ALOX5: variants seen among roughly 807,000 people sequenced by gnomAD.
The protein encoded by ALOX5 is polyunsaturated fatty acid 5-lipoxygenase.
In ALOX5, 64 loss-of-function variants were observed where a neutral mutation model predicts 87.9. The observed-to-expected ratio is 0.73, with a 90% CI of 0.60 to 0.90. The LOEUF is 0.90. Ranked by LOEUF, ALOX5 falls within the 40% of genes least tolerant of loss-of-function variation. The pLI is 0.00. For missense variants in ALOX5, 822 were observed against 907.5 expected, an observed-to-expected ratio of 0.91 and a Z score of 1.21; for synonymous variants, 388 against 355.1, an observed-to-expected ratio of 1.09 and a Z score of -1.04.
chr10:45,414,324 ACAAG>A (rs1352721994), intron 4 of ALOX5, among the ~76,000 whole-genome samples: 1 of 152,258 alleles, frequency 6.6e-6, no homozygotes, highest in Non-Finnish European at 1.5e-5. Context: ...CCTGACAAAA[ACAAG>A]CAATGGGGAA....
At chr10:45,438,130 T>G (rs1351453099) in intron 7 of ALOX5, among the ~76,000 whole-genome samples, 1 of 6,760 alleles carries the variant, frequency 1.5e-4, no homozygotes, top group African/African-American at 2.8e-3. Context: ...TGACTTCCTC[T>G]TTTTTTTTTT....
intron 4 of ALOX5, among the ~76,000 whole-genome samples, chr10:45,415,581 TAAAA>T (rs60397346): frequency 5.1e-5 from 7 of 135,970 alleles, no homozygotes; most frequent in African/African-American, 1.7e-4. Flanking sequence ...AGTATAATAA[TAAAA>T]AAAAAGACAT....
At position 45,444,185 on chromosome 10, in the gene ALOX5, G is replaced by A. The variant is rs577934345; in HGVS notation, c.1744G>A (p.Val582Met). Reference sequence around the variant, plus strand: ...AGCCCCGCCACCGACTGCCAAGGGCGTGGTGACCATTGAGCAGATCGTGGA... The same window carrying A: ...AGCCCCGCCACCGACTGCCAAGGGCATGGTGACCATTGAGCAGATCGTGGA... ...MRAPPPTAKG[V>M]VTIEQIVDTL... The change falls in exon 13 of 14, where the codon GTG (valine) becomes ATG (methionine). Residue 582 changes from valine to methionine, a missense_variant. Coordinates refer to ENST00000374391, the MANE Select transcript of ALOX5 (RefSeq NM_000698.5). The A allele has an allele frequency of 3.9e-5, 60 of 1,557,180 alleles. No homozygotes were observed. The highest frequency in any genetic ancestry group is 3.8e-4 in the Admixed American group (20 of 51,966).
chr10:45,426,375 A>G (rs1012874177), intron 6 of ALOX5, among the ~76,000 whole-genome samples: 8 of 151,894 alleles, frequency 5.3e-5, no homozygotes, highest in African/African-American at 1.9e-4. Context: ...GAGCTGACCC[A>G]CCCCTCACTG....
intron 2 of ALOX5, among the ~76,000 whole-genome samples, chr10:45,392,241 CA>C (rs1840310021): frequency 6.6e-6 from 1 of 152,096 alleles, no homozygotes; most frequent in African/African-American, 2.4e-5. Context: ...GCCATGATGA[CA>C]ATGGTGGTTT....
At chr10:45,394,414 G>A (rs897507741) in intron 2 of ALOX5, among the ~76,000 whole-genome samples, 4 of 152,244 alleles carry the variant, frequency 2.6e-5, no homozygotes, top group African/African-American at 9.6e-5. Context: ...GTAGACAGCT[G>A]AAGCTGGATC....
chr10:45,421,201 T>A (rs545832109), intron 4 of ALOX5, among the ~76,000 whole-genome samples: 5 of 152,220 alleles, frequency 3.3e-5, no homozygotes, highest in Non-Finnish European at 5.9e-5. Context: ...CTAGATGACA[T>A]GTAAATATGT....
At chr10:45,445,427 G>A (rs1479271680) in intron 13 of ALOX5, 81 bp from the exon 14 acceptor site, 2 of 1,502,376 alleles carry the variant, frequency 1.3e-6, no homozygotes, top group Non-Finnish European at 1.8e-6. Flanking sequence ...AACGGTGGCT[G>A]GCCCCTTGGG....
chr10:45,428,662 C>G lies in ALOX5; in HGVS notation c.879C>G (p.Ile293Met). Residue 293 changes from isoleucine to methionine, a missense_variant, in exon 7 of 14, where the codon ATC (isoleucine) becomes ATG (methionine). By Grantham distance (10) the Ile-to-Met change is conservative. Transcript: ENST00000374391. ...FIVDFELLDG[I>M]DANKTDPCTL... ...TGGACTTTGAGCTGCTGGATGGCATCGATGCCAACAAAACAGACCCCTGCA... is the reference window on the plus strand; with the variant it reads ...TGGACTTTGAGCTGCTGGATGGCATGGATGCCAACAAAACAGACCCCTGCA... The G allele has an allele frequency of 6.2e-7, 1 of 1,614,110 alleles. No homozygotes were observed. Among genetic ancestry groups the G allele is most frequent in the Non-Finnish European group, 8.5e-7 (1 of 1,180,034 alleles).
At chr10:45,382,858 C>A (rs1839890835) in intron 2 of ALOX5, among the ~76,000 whole-genome samples, 177 bp downstream of exon 2, 1 of 152,248 alleles carries the variant, frequency 6.6e-6, no homozygotes, top group African/African-American at 2.4e-5. Flanking sequence ...GGGATTCTTA[C>A]AAGCCCCTGA....
chr10:45,440,362 G>A (rs976113188), intron 7 of ALOX5, 68 bp from the exon 8 acceptor site: 19 of 1,522,804 alleles, frequency 1.2e-5, no homozygotes, highest in East Asian at 2.3e-5. Flanking sequence ...CCCAAGAGGC[G>A]AAGTTCTCCA....
At chr10:45,380,771 G>A (rs1839797246) in intron 1 of ALOX5, among the ~76,000 whole-genome samples, 1 of 152,098 alleles carries the variant, frequency 6.6e-6, no homozygotes, top group African/African-American at 2.4e-5. Context: ...GTGAAACCCT[G>A]TCTCTACTGA....
intron 2 of ALOX5, among the ~76,000 whole-genome samples, chr10:45,392,068 C>T (rs1219426544): frequency 2.0e-5 from 3 of 151,372 alleles, no homozygotes; most frequent in South Asian, 2.1e-4. Flanking sequence ...CCAGCCGCCC[C>T]GTCCGAGAGG....
chr10:45,406,705 T>C (rs1013305869), intron 3 of ALOX5, among the ~76,000 whole-genome samples: 2 of 152,372 alleles, frequency 1.3e-5, no homozygotes, highest in Non-Finnish European at 2.9e-5. Flanking sequence ...TACTGTGTGT[T>C]GGTCCCTTAC....
intron 6 of ALOX5, among the ~76,000 whole-genome samples, chr10:45,428,120 T>G: frequency 1.2e-5 from 1 of 84,228 alleles, no homozygotes; most frequent in South Asian, 5.0e-4. Context: ...CAGAATCCCC[T>G]CCCCCTTCCC....
intron 7 of ALOX5, among the ~76,000 whole-genome samples, chr10:45,429,514 C>T (rs560992440): frequency 1.3e-5 from 2 of 152,198 alleles, no homozygotes; most frequent in Non-Finnish European, 2.9e-5. Flanking sequence ...CTGCACAGTC[C>T]GCAATCCCTT....
intron 7 of ALOX5, among the ~76,000 whole-genome samples, chr10:45,439,409 C>T (rs1842154787): frequency 6.6e-6 from 1 of 152,252 alleles, no homozygotes; most frequent in Admixed American, 6.5e-5. Flanking sequence ...GGCCATGCCC[C>T]TTCCTGGCCG....
At chr10:45,398,813 A>G (rs931831333) in intron 3 of ALOX5, among the ~76,000 whole-genome samples, 1 of 152,192 alleles carries the variant, frequency 6.6e-6, no homozygotes, top group Admixed American at 6.5e-5. Context: ...CGACAAGAAC[A>G]AGTGTTGACA....
At chr10:45,409,509 G>C (rs373555056) in intron 3 of ALOX5, among the ~76,000 whole-genome samples, 29 of 129,882 alleles carry the variant, frequency 2.2e-4, no homozygotes, top group Admixed American at 6.7e-4. Flanking sequence ...CTGTCTGTCT[G>C]TCTCTCTCTC....
Sources: gnomAD v4.1 joint callset for allele counts (sites outside exome capture counted in the v4.1 genomes callset) on GRCh38, gnomAD v4.1.1 for gene constraint, MANE v1.5 for transcripts, NCBI Gene and HGNC (gene_info 2026-07-23, HGNC 2026-07-21) for gene names.